STK3: variants seen among roughly 807,000 people sequenced by gnomAD.
STK3 encodes the protein serine/threonine kinase 3.
Under a neutral mutation model 58.0 loss-of-function variants are expected in STK3, and 41 were observed. That is an observed-to-expected ratio of 0.71 (90% CI 0.55 to 0.92). STK3 has a LOEUF of 0.92. STK3 is among the 40% of genes least tolerant of loss of function. STK3 has a pLI of 0.00. For synonymous variants in STK3, 170 were observed against 191.0 expected, an observed-to-expected ratio of 0.89 and a Z score of 0.91; for missense variants, 479 against 602.7, an observed-to-expected ratio of 0.79 and a Z score of 2.15.
chr8:98,635,838 G>A (rs1248487701), intron 6 of STK3, among the ~76,000 whole-genome samples: 1 of 151,116 alleles, frequency 6.6e-6, no homozygotes, highest in Non-Finnish European at 1.5e-5. Context: ...TTTCTTGGTG[G>A]GCTTGTTAAA....
At chr8:98,904,770 T>C (rs1838822640) in intron 1 of STK3, 6 of 703,880 alleles carry the variant, frequency 8.5e-6, no homozygotes, top group African/African-American at 7.1e-5. Context: ...GGTTCCACAA[T>C]AGGAGGAAGT....
chr8:98,923,848 TGTGTGTGCGCGCGC>T (rs756368386), intron 1 of STK3, among the ~76,000 whole-genome samples: 49 of 120,174 alleles, frequency 4.1e-4, no homozygotes, highest in African/African-American at 5.0e-4. Flanking sequence ...TGTGTGTGTG[TGTGTGTGCGCGCGC>T]GCGCGCGCGC....
intron 3 of STK3, 85 bp from the exon 4 acceptor site, chr8:98,749,475 T>C (rs1267434258): frequency 3.1e-6 from 2 of 637,498 alleles, no homozygotes; most frequent in Non-Finnish European, 5.3e-6. Context: ...ATTTTCAACA[T>C]TTCATACTGT....
At chr8:98,477,894 A>G (rs1002521815) in intron 10 of STK3, among the ~76,000 whole-genome samples, 1 of 152,104 alleles carries the variant, frequency 6.6e-6, no homozygotes, top group East Asian at 1.9e-4. Flanking sequence ...GTTTAGCAGC[A>G]TCCCCAGCGT....
chr8:98,354,218 C>T, the STK3 span, among the ~76,000 whole-genome samples: 4 of 152,314 alleles, frequency 2.6e-5, no homozygotes, highest in East Asian at 7.7e-4. Flanking sequence ...GGTCCTAAGT[C>T]CTGGTCCAAT....
intron 7 of STK3, among the ~76,000 whole-genome samples, chr8:98,593,855 A>G (rs1815555800): frequency 6.6e-6 from 1 of 152,184 alleles, no homozygotes; most frequent in Non-Finnish European, 1.5e-5. Context: ...TTCCTGCTAA[A>G]TAAGACTCTA....
intron 3 of STK3, among the ~76,000 whole-genome samples, chr8:98,416,215 C>T (rs1360908086): frequency 6.6e-6 from 1 of 152,192 alleles, no homozygotes; most frequent in Non-Finnish European, 1.5e-5. Flanking sequence ...CTTCCATATG[C>T]CCAGAAGGGA....
intron 10 of STK3, among the ~76,000 whole-genome samples, chr8:98,485,779 A>T (rs1338133067): frequency 6.6e-6 from 1 of 152,234 alleles, no homozygotes; most frequent in Non-Finnish European, 1.5e-5. Context: ...CAGGAATAGA[A>T]GATGAGCCTG....
chr8:98,705,316 G>A (rs1825888086), intron 6 of STK3, among the ~76,000 whole-genome samples: 1 of 152,050 alleles, frequency 6.6e-6, no homozygotes, highest in African/African-American at 2.4e-5. Context: ...TGCAGGCTGA[G>A]GTGGGAGGAT....
intron 1 of STK3, among the ~76,000 whole-genome samples, chr8:98,785,870 A>G (rs2131552826): frequency 6.6e-6 from 1 of 152,308 alleles, no homozygotes; most frequent in African/African-American, 2.4e-5. Context: ...GAAAGAAAAA[A>G]TCCTACCAGT....
At chr8:98,694,631 G>A (rs999942688) in intron 6 of STK3, among the ~76,000 whole-genome samples, 1 of 152,128 alleles carries the variant, frequency 6.6e-6, no homozygotes. Context: ...ATAGTTTACT[G>A]AGAATCATGA....
intron 10 of STK3, among the ~76,000 whole-genome samples, chr8:98,521,874 C>A (rs1173298334): frequency 3.9e-5 from 6 of 152,114 alleles, no homozygotes; most frequent in Non-Finnish European, 8.8e-5. Flanking sequence ...ATATACAACT[C>A]CAGCCTTCAT....
At chr8:98,415,576 T>C (rs1818106761) in intron 3 of STK3, among the ~76,000 whole-genome samples, 1 of 152,196 alleles carries the variant, frequency 6.6e-6, no homozygotes, top group African/African-American at 2.4e-5. Flanking sequence ...CCACAATTCT[T>C]TGAGAAATAT....
At chr8:98,627,343 G>A (rs1818797368) in intron 6 of STK3, among the ~76,000 whole-genome samples, 1 of 151,988 alleles carries the variant, frequency 6.6e-6, no homozygotes, top group African/African-American at 2.4e-5. Flanking sequence ...GTGAAACCCT[G>A]TCTCTACTAA....
intron 6 of STK3, among the ~76,000 whole-genome samples, chr8:98,630,581 T>C (rs1431934548): frequency 6.6e-6 from 1 of 151,826 alleles, no homozygotes; most frequent in Non-Finnish European, 1.5e-5. Context: ...AGGTCAGGGC[T>C]ACTGTGAACC....
intron 4 of STK3, among the ~76,000 whole-genome samples, chr8:98,723,242 C>T (rs1259292941): frequency 6.6e-6 from 1 of 151,990 alleles, no homozygotes; most frequent in East Asian, 1.9e-4. Context: ...AAAAGTAAGA[C>T]ATTTATAGCT....
rs371776932 is a variant in STK3 at position 98,707,196 on chromosome 8, G to A, written c.467C>T (p.Thr156Ile). The change falls in exon 5 of 11, where the codon ACA (threonine) becomes ATA (isoleucine). Residue 156 changes from threonine to isoleucine, a missense_variant. Coordinates refer to ENST00000419617, the MANE Select transcript of STK3 (RefSeq NM_006281.4). ...DIKAGNILLN[T>I]EGHAKLADFG... ...ATCTGCCAATTTTGCATGTCCTTCT[G>A]TATTGAGGAGAATATTTCCAGCTTT... is the stretch of plus-strand genomic sequence containing the variant. 3 of 1,612,302 alleles carry A rather than the reference G, an allele frequency of 1.9e-6. No individual in the cohort carries two copies. Among genetic ancestry groups the A allele is most frequent in the African/African-American group, 2.7e-5 (2 of 74,840 alleles).
chr8:98,744,827 C>G (rs1303542636), intron 4 of STK3, among the ~76,000 whole-genome samples: 1 of 151,514 alleles, frequency 6.6e-6, no homozygotes, highest in African/African-American at 2.4e-5. Flanking sequence ...ATATACATAA[C>G]TTTAGTAGGA....
intron 6 of STK3, among the ~76,000 whole-genome samples, chr8:98,683,637 G>A: frequency 6.6e-6 from 1 of 152,170 alleles, no homozygotes; most frequent in South Asian, 2.1e-4. Context: ...TATAGATAAG[G>A]TGATATGAGA....
Sources: allele counts gnomAD v4.1 joint callset (sites outside exome capture counted in the v4.1 genomes callset), GRCh38; gene constraint gnomAD v4.1.1; transcripts MANE v1.5; gene names NCBI Gene and HGNC (gene_info 2026-07-23, HGNC 2026-07-21).